TSHZ2: variants seen among roughly 807,000 people sequenced by gnomAD.
TSHZ2 encodes teashirt homolog 2.
In TSHZ2, 21 loss-of-function variants were observed where a neutral mutation model predicts 74.4. The observed-to-expected ratio is 0.28, with a 90% CI of 0.20 to 0.41. The LOEUF (loss-of-function observed/expected upper bound fraction) is 0.41. TSHZ2 is among the 10% of genes least tolerant of loss of function. TSHZ2 has a pLI of 1.00. For synonymous variants in TSHZ2, 540 were observed against 515.3 expected, an observed-to-expected ratio of 1.05 and a Z score of -0.65; for missense variants, 1,244 against 1,293.5, an observed-to-expected ratio of 0.96 and a Z score of 0.59.
chr20:53,159,912 G>A (rs904739437), intron 1 of TSHZ2, among the ~76,000 whole-genome samples: 3 of 152,224 alleles, frequency 2.0e-5, no homozygotes, highest in East Asian at 3.8e-4. Flanking sequence ...TCTGGTGATA[G>A]ACACAGTTGT....
intron 2 of TSHZ2, among the ~76,000 whole-genome samples, chr20:53,309,477 A>T (rs1978688905): frequency 6.6e-6 from 1 of 152,246 alleles, no homozygotes; most frequent in African/African-American, 2.4e-5. Flanking sequence ...GGAAAGGAAG[A>T]TAAAAGGAAG....
At chr20:53,039,196 A>G (rs1218861932) in intron 1 of TSHZ2, among the ~76,000 whole-genome samples, 2 of 151,946 alleles carry the variant, frequency 1.3e-5, no homozygotes, top group Non-Finnish European at 2.9e-5. Flanking sequence ...TGGTCTACAC[A>G]TGGGGGGATG....
At chr20:53,119,635 C>A (rs1936973) in intron 1 of TSHZ2, among the ~76,000 whole-genome samples, 2 of 152,230 alleles carry the variant, frequency 1.3e-5, no homozygotes, top group South Asian at 4.1e-4. Flanking sequence ...AATGTGAAAG[C>A]TTCCACTGAC....
intron 1 of TSHZ2, among the ~76,000 whole-genome samples, chr20:53,033,544 T>A (rs1766101209): frequency 6.6e-6 from 1 of 151,594 alleles, no homozygotes; most frequent in Non-Finnish European, 1.5e-5. Flanking sequence ...TGGGATTGTA[T>A]AATCCAAGGG....
intron 1 of TSHZ2, among the ~76,000 whole-genome samples, chr20:53,021,042 A>T (rs1983226930): frequency 6.6e-6 from 1 of 152,122 alleles, no homozygotes; most frequent in Non-Finnish European, 1.5e-5. Context: ...GGACAGAGGG[A>T]GCTCTACACA....
At chr20:53,424,765 T>C (rs1021676531) in intron 2 of TSHZ2, among the ~76,000 whole-genome samples, 3 of 152,124 alleles carry the variant, frequency 2.0e-5, no homozygotes, top group African/African-American at 7.2e-5. Flanking sequence ...CTTCCACCCA[T>C]ATGTCCATGT....
At chr20:53,314,895 T>C (rs968023598) in intron 2 of TSHZ2, among the ~76,000 whole-genome samples, 1 of 152,202 alleles carries the variant, frequency 6.6e-6, no homozygotes, top group African/African-American at 2.4e-5. Flanking sequence ...GTCCTGGGAT[T>C]ACAGGCGTGA....
intron 2 of TSHZ2, among the ~76,000 whole-genome samples, chr20:53,373,704 A>G (rs1475045209): frequency 1.3e-5 from 2 of 152,244 alleles, no homozygotes; most frequent in African/African-American, 4.8e-5. Flanking sequence ...TACAAAAAGC[A>G]ATGAGTCAAA....
intron 1 of TSHZ2, among the ~76,000 whole-genome samples, chr20:52,991,825 T>C (rs916841648): frequency 4.7e-5 from 7 of 150,046 alleles, no homozygotes; most frequent in Non-Finnish European, 1.0e-4. Flanking sequence ...GTGAAAAGCT[T>C]TTCTGGTGCA....
chr20:53,206,830 T>C (rs1451647336), intron 1 of TSHZ2, among the ~76,000 whole-genome samples: 1 of 152,220 alleles, frequency 6.6e-6, no homozygotes, highest in African/African-American at 2.4e-5. Context: ...TAACGGTGAC[T>C]GAGGGTGAAT....
chr20:52,974,673 C>A (rs1981259702), intron 1 of TSHZ2, among the ~76,000 whole-genome samples: 1 of 152,300 alleles, frequency 6.6e-6, no homozygotes, highest in African/African-American at 2.4e-5. Context: ...ACCCTTAGAA[C>A]AAATCCAAAG....
intron 2 of TSHZ2, among the ~76,000 whole-genome samples, chr20:53,383,265 AAAAAAAAAG>A (rs976333497): frequency 7.5e-5 from 11 of 146,364 alleles, no homozygotes; most frequent in African/African-American, 3.0e-4. Flanking sequence ...TCTGTCTCAA[AAAAAAAAAG>A]AAAAAAAGAA....
chr20:53,416,233 G>T (rs1479939986), intron 2 of TSHZ2, among the ~76,000 whole-genome samples: 2 of 152,218 alleles, frequency 1.3e-5, no homozygotes, highest in South Asian at 2.1e-4. Flanking sequence ...AGGGCGATTT[G>T]GGTGTTAGGT....
chr20:53,224,076 T>C (rs1034457544), intron 1 of TSHZ2, among the ~76,000 whole-genome samples: 1 of 152,194 alleles, frequency 6.6e-6, no homozygotes, highest in Non-Finnish European at 1.5e-5. Context: ...GATTTCTGTG[T>C]ATTATTTCTT....
chr20:53,127,012 A>C (rs1986965371), intron 1 of TSHZ2, among the ~76,000 whole-genome samples: 3 of 152,066 alleles, frequency 2.0e-5, no homozygotes, highest in African/African-American at 2.4e-5. Context: ...GAAGGAAGGA[A>C]AAAGGTAAAA....
chr20:53,330,519 C>T, intron 2 of TSHZ2, among the ~76,000 whole-genome samples: 1 of 152,190 alleles, frequency 6.6e-6, no homozygotes, highest in Non-Finnish European at 1.5e-5. Flanking sequence ...CCGATATGAT[C>T]CAACAGTCCT....
At chr20:53,095,180 A>C (rs561662049) in intron 1 of TSHZ2, among the ~76,000 whole-genome samples, 2 of 152,182 alleles carry the variant, frequency 1.3e-5, no homozygotes, top group African/African-American at 2.4e-5. Flanking sequence ...GTTTCTCTCT[A>C]TATATTTCTC....
At chr20:53,321,842 G>A (rs943126312) in intron 2 of TSHZ2, among the ~76,000 whole-genome samples, 1 of 152,154 alleles carries the variant, frequency 6.6e-6, no homozygotes, top group African/African-American at 2.4e-5. Context: ...TGTGGACCCG[G>A]TGATGCCTGA....
At chr20:53,014,642 C>CT (rs1982971777) in intron 1 of TSHZ2, among the ~76,000 whole-genome samples, 1 of 152,072 alleles carries the variant, frequency 6.6e-6, no homozygotes, top group African/African-American at 2.4e-5. Flanking sequence ...GAACCTCTCC[C>CT]TTCCTCTTTC....
Sources: allele counts gnomAD v4.1 joint callset (sites outside exome capture counted in the v4.1 genomes callset), GRCh38; gene constraint gnomAD v4.1.1; transcripts MANE v1.5; gene names NCBI Gene and HGNC (gene_info 2026-07-23, HGNC 2026-07-21).